The following ASB1 variants were observed in gnomAD, a reference collection of about 807,000 sequenced individuals.
ASB1 encodes ankyrin repeat and SOCS box containing 1.
ASB1 carries 18 observed loss-of-function variants against 27.7 expected under a neutral mutation model. That is an observed-to-expected ratio of 0.65 (90% CI 0.45 to 0.96). The LOEUF is 0.96. ASB1 is among the 50% of genes least tolerant of loss of function. The pLI, the probability that ASB1 is intolerant of heterozygous loss-of-function variation, is 0.00. For synonymous variants in ASB1, 189 were observed against 187.6 expected (o/e 1.01, Z -0.06); for missense variants, 397 against 451.7 (o/e 0.88, Z 1.10).
Position 238,427,086 on chromosome 2 carries a change from A to C in ASB1, c.16A>C (p.Ser6Arg). 1 of 1,262,344 alleles carries C rather than the reference A, an allele frequency of 7.9e-7. No homozygotes were observed. Among genetic ancestry groups the C allele is most frequent in the Non-Finnish European group, 1.0e-6 (1 of 1,004,850 alleles). The allele number at this position is 1,262,344 out of a possible 1,614,324, so 78.2% of individuals were successfully genotyped here. The part of the protein sequence containing the change: MAEGG[S>R]PDGRAGPGSA... ...GGAAGCATCCATGGCGGAGGGCGGC[A>C]GCCCAGACGGGCGGGCAGGGCCGGG... The change falls in exon 1 of 5, where the codon AGC becomes CGC. Residue 6 changes from serine to arginine, a missense_variant. Ser to Arg is a moderately radical substitution (Grantham distance 110). Transcript: ENST00000264607.
chr2:238,429,355 ACT>A (rs1701823830), intron 1 of ASB1, among the ~76,000 whole-genome samples: 1 of 151,750 alleles, frequency 6.6e-6, no homozygotes, highest in Non-Finnish European at 1.5e-5. Flanking sequence ...TTTTTACAAA[ACT>A]CTTAAATCTT....
chr2:238,433,466 A>T, intron 1 of ASB1, 88 bp from the exon 2 acceptor site: 2 of 1,500,548 alleles, frequency 1.3e-6, no homozygotes, highest in Middle Eastern at 1.9e-4. Flanking sequence ...TAGCTGGGAG[A>T]GGGAAGGCTC....
At chr2:238,430,587 A>C (rs1284609934) in intron 1 of ASB1, among the ~76,000 whole-genome samples, 1 of 152,234 alleles carries the variant, frequency 6.6e-6, no homozygotes, top group Non-Finnish European at 1.5e-5. Context: ...AAATGTTCTA[A>C]ATGACATCTA....
Position 238,426,935 on chromosome 2 carries a change from C to T in ASB1, c.-136C>T, listed in dbSNP as rs1701762376. The T allele has an allele frequency of 1.7e-6, 1 of 593,922 alleles. No individual in the cohort carries two copies. Among genetic ancestry groups the T allele is most frequent in the Non-Finnish European group, 2.4e-6 (1 of 411,582 alleles). 36.8% of individuals were successfully genotyped at this position (593,922 alleles called of 1,614,324 possible). A position where few individuals can be genotyped will look rare whatever the true frequency, so the allele number is the denominator to read the frequency against. ...GCGCGGCCCCGGAAACCAGTGAGGC[C>T]GGCGCGCGCCCGCCGGAAGCCGCGA... On this transcript the variant is annotated 5_prime_UTR_variant, in exon 1 of 5. Coordinates refer to ENST00000264607, the MANE Select transcript of ASB1 (RefSeq NM_001040445.3).
chr2:238,439,783 C>T (rs1370100696), intron 3 of ASB1, among the ~76,000 whole-genome samples: 1 of 152,164 alleles, frequency 6.6e-6, no homozygotes, highest in Non-Finnish European at 1.5e-5. Flanking sequence ...GTGTCCATTA[C>T]TGCCGATACT....
chr2:238,438,504 A>AT (rs1253259433), intron 3 of ASB1, among the ~76,000 whole-genome samples: 8 of 152,306 alleles, frequency 5.3e-5, no homozygotes, highest in Non-Finnish European at 1.0e-4. Flanking sequence ...CCGGCCACAG[A>AT]TGCCCTTCTT....
At chr2:238,446,350 C>T (rs1559416675) in intron 4 of ASB1, 34 bp from the exon 5 acceptor site, 3 of 1,557,512 alleles carry the variant, frequency 1.9e-6, no homozygotes, top group Non-Finnish European at 2.6e-6. Context: ...AATGAACCTT[C>T]CTCTATCCCT....
At chr2:238,429,193 AC>A (rs1178724049) in intron 1 of ASB1, among the ~76,000 whole-genome samples, 1 of 152,178 alleles carries the variant, frequency 6.6e-6, no homozygotes, top group African/African-American at 2.4e-5. Context: ...AATATAAAAA[AC>A]AATGTCAGCA....
chr2:238,430,467 A>C (rs1247732575), intron 1 of ASB1, among the ~76,000 whole-genome samples: 2 of 152,242 alleles, frequency 1.3e-5, no homozygotes, highest in African/African-American at 4.8e-5. Flanking sequence ...TTTCCACTGC[A>C]TCTGCAGTTA....
rs1702147230 is a variant in ASB1, at chr2:238,444,810, C to T, written c.880+83C>T. ...TGTAGCAATAAACAAAAAACAAAAA[C>T]CTCCACCTGAGCACTTGGCCAAAAT... On this transcript the variant is annotated intron_variant, in intron 4 of 4. Coordinates refer to ENST00000264607, the MANE Select transcript of ASB1 (RefSeq NM_001040445.3). 2.7e-6 allele frequency: 4 copies of T among 1,458,194 alleles called. No individual in the cohort carries two copies. The Admixed American group carries it at 7.4e-5, about 27-fold the overall frequency. 90.3% of individuals were successfully genotyped at this position (1,458,194 alleles called of 1,614,324 possible). A position where few individuals can be genotyped will look rare whatever the true frequency, so the allele number is the denominator to read the frequency against.
intron 3 of ASB1, among the ~76,000 whole-genome samples, chr2:238,438,624 A>G (rs904487458): frequency 2.6e-5 from 4 of 152,208 alleles, no homozygotes; most frequent in African/African-American, 7.2e-5. Flanking sequence ...TCTATATTCT[A>G]AATTCTAAGA....
intron 1 of ASB1, among the ~76,000 whole-genome samples, chr2:238,429,704 A>C (rs1380313669): frequency 6.6e-6 from 1 of 152,148 alleles, no homozygotes; most frequent in Non-Finnish European, 1.5e-5. Context: ...AGGCCGAGGC[A>C]GGCAGATCAC....
intron 1 of ASB1, 29 bp from the exon 2 acceptor site, chr2:238,433,525 G>A: frequency 6.2e-7 from 1 of 1,612,098 alleles, no homozygotes; most frequent in South Asian, 1.1e-5. Context: ...GCCTCCATGA[G>A]CTAACAGGAG....
intron 1 of ASB1, among the ~76,000 whole-genome samples, chr2:238,429,627 T>C (rs11693209): frequency 0.026 from 4,005 of 152,258 alleles, 89 homozygotes; most frequent in Admixed American, 0.038. Flanking sequence ...TACATGATAC[T>C]ATGATCTATT....
At chr2:238,438,447 G>T (rs192384336) in intron 3 of ASB1, among the ~76,000 whole-genome samples, 67 of 152,078 alleles carry the variant, frequency 4.4e-4, no homozygotes, top group Admixed American at 3.7e-3. Flanking sequence ...TGATCCGCCC[G>T]CCTCGGCCTC....
In ASB1 at chr2:238,433,572, G is replaced by A. The variant is rs1257612578; in HGVS notation, c.68G>A (p.Trp23Ter). 4.3e-6 allele frequency: 7 copies of A among 1,614,044 alleles called. No homozygotes were observed. Among genetic ancestry groups the A allele is most frequent in the Non-Finnish European group, 5.9e-6 (7 of 1,180,032 alleles). ...AGTGCAGGTCGTAATCTGAAGGAGT[G>A]GCTGAGGGAGCAATTTTGTGATCAT... is the stretch of plus-strand genomic sequence containing the variant. ...PGSAGRNLKE[W>*]LREQFCDHPL... The change falls in exon 2 of 5, where the codon TGG becomes TAG. Residue 23 changes from tryptophan to a stop codon, truncating the protein, a stop_gained. Transcript: ENST00000264607. LOFTEE classifies it high-confidence loss of function.
rs1479603637 is a variant in ASB1 at position 238,450,963 on chromosome 2, T to C, written c.*4452T>C. On this transcript the variant is annotated 3_prime_UTR_variant, in exon 5 of 5. Transcript: ENST00000264607. ...AAGTACCTGTTTGGGCCATGTGACC[T>C]CCTTTCTCACTTATGCCTCACTCCC... is the stretch of plus-strand genomic sequence containing the variant. 6.7e-6 allele frequency: 1 copy of C among 150,222 alleles called. No homozygotes were observed. Among genetic ancestry groups the C allele is most frequent in the African/African-American group, 2.4e-5 (1 of 41,172 alleles). The allele number at this position is 150,222 out of a possible 1,614,324, so 9.3% of individuals were successfully genotyped here.
rs1368577260 is a variant in ASB1, at chr2:238,444,735, G to A, written c.880+8G>A. 2 of 1,596,810 alleles carry A rather than the reference G, an allele frequency of 1.3e-6. No homozygotes were observed. Among genetic ancestry groups the A allele is most frequent in the African/African-American group, 1.3e-5 (1 of 74,580 alleles). On this transcript the variant is annotated splice_region_variant and intron_variant, in intron 4 of 4. Transcript: ENST00000264607. The stretch of plus-strand genomic sequence containing the variant: ...TCTTTAAAGAGGCCAGAAGTAAGTG[G>A]CTTGAGTTCAGCTCTGACTTGTGGG...
chr2:238,444,806 A>G (rs1559416312), intron 4 of ASB1, 79 bp downstream of exon 4: 8 of 1,473,170 alleles, frequency 5.4e-6, no homozygotes, highest in Non-Finnish European at 6.3e-6. Context: ...ACAAAAAACA[A>G]AAACCTCCAC....
Sources: allele counts gnomAD v4.1 joint callset (sites outside exome capture counted in the v4.1 genomes callset), GRCh38; gene constraint gnomAD v4.1.1; transcripts MANE v1.5; gene names NCBI Gene and HGNC (gene_info 2026-07-23, HGNC 2026-07-21).